The following ABHD2 variants were observed in gnomAD, a reference collection of about 807,000 sequenced individuals.
ABHD2 encodes monoacylglycerol lipase ABHD2.
ABHD2 carries 20 observed loss-of-function variants against 48.1 expected under a neutral mutation model. That is an observed-to-expected ratio of 0.42 (90% CI 0.29 to 0.60). ABHD2 has a LOEUF of 0.60. ABHD2 is among the 20% of genes least tolerant of loss of function. ABHD2 has a pLI of 0.24. For missense variants in ABHD2, 405 were observed against 550.9 expected (o/e 0.74, Z 2.65); for synonymous variants, 209 against 214.2 (o/e 0.98, Z 0.21).
chr15:89,136,746 T>C (rs2050319931), intron 3 of ABHD2, among the ~76,000 whole-genome samples: 1 of 152,204 alleles, frequency 6.6e-6, no homozygotes. Flanking sequence ...GTATTTGAGT[T>C]TTCCTCCACT....
intron 8 of ABHD2, among the ~76,000 whole-genome samples, chr15:89,190,005 T>C (rs2051277615): frequency 6.6e-6 from 1 of 152,268 alleles, no homozygotes; most frequent in South Asian, 2.1e-4. Context: ...GCAAACGAAC[T>C]GATTTCACAA....
chr15:89,059,983 T>C, the ABHD2 span, among the ~76,000 whole-genome samples: 1 of 152,142 alleles, frequency 6.6e-6, no homozygotes, highest in South Asian at 2.1e-4. Flanking sequence ...CAGGCATTTA[T>C]GCAGCCTTTT....
rs1345403557 is a variant in ABHD2 at position 89,137,916 on chromosome 15, C to A, written c.195-13761C>A. ...TGAGATGTGCACACAGGGTCTACTC[C>A]ACATCTGGCCCTCCTGAAAAGAAGG... is the stretch of plus-strand genomic sequence containing the variant. On this transcript the variant is annotated intron_variant, in intron 3 of 10. Coordinates refer to ENST00000352732, the MANE Select transcript of ABHD2 (RefSeq NM_152924.5). This position sits in a 1 kb window ranked among gnomAD's most constrained non-coding sequence, Gnocchi z 4.8. Among the ~76,000 whole-genome samples the A allele has an allele frequency of 1.3e-5, 2 of 152,192 alleles. No homozygotes were observed. The highest frequency in any genetic ancestry group is 2.9e-5 in the Non-Finnish European group (2 of 68,024).
the ABHD2 span, among the ~76,000 whole-genome samples, chr15:89,071,239 G>A: frequency 6.6e-6 from 1 of 152,096 alleles, no homozygotes; most frequent in East Asian, 1.9e-4. Context: ...GGCCAACATG[G>A]TGAAACCCCA....
At chr15:89,048,299 T>A in the ABHD2 span, among the ~76,000 whole-genome samples, 3 of 152,198 alleles carry the variant, frequency 2.0e-5, no homozygotes, top group African/African-American at 7.2e-5. Context: ...CCTTTGAGGG[T>A]AACCCAACCT....
At chr15:89,060,308 C>T in the ABHD2 span, among the ~76,000 whole-genome samples, 8 of 151,678 alleles carry the variant, frequency 5.3e-5, no homozygotes, top group South Asian at 2.1e-4. Context: ...TCAGGCTGCT[C>T]GTGAACTCCT....
rs1164221307 is a variant in ABHD2, at chr15:89,088,467, G to A, written c.-203G>A. 6.5e-6 allele frequency: 1 copy of A among 152,886 alleles called. No individual in the cohort carries two copies. Among genetic ancestry groups the A allele is most frequent in the Non-Finnish European group, 1.5e-5 (1 of 68,590 alleles). 9.5% of individuals were successfully genotyped at this position (152,886 alleles called of 1,614,324 possible). ...TAGCGGCGGGAGCTGCACTGGCCAG[G>A]GGTTCCGGCTGTATATCCATGAGCG... On this transcript the variant is annotated 5_prime_UTR_variant, in exon 1 of 11. Transcript: ENST00000352732. The surrounding 1 kb of genome is among the most constrained non-coding windows in gnomAD (Gnocchi z 6.8).
chr15:89,154,535 G>A (rs182979000), intron 4 of ABHD2, among the ~76,000 whole-genome samples: 39 of 152,284 alleles, frequency 2.6e-4, no homozygotes, highest in African/African-American at 9.1e-4. Flanking sequence ...CCCCTGCTCA[G>A]TGGTACCCAC....
At chr15:89,053,047 A>G in the ABHD2 span, among the ~76,000 whole-genome samples, 5 of 149,490 alleles carry the variant, frequency 3.3e-5, no homozygotes, top group Non-Finnish European at 5.9e-5. Flanking sequence ...GGCTCACTGC[A>G]ACCTCTGCCT....
At chr15:89,061,724 C>T in the ABHD2 span, among the ~76,000 whole-genome samples, 2 of 151,970 alleles carry the variant, frequency 1.3e-5, no homozygotes, top group Non-Finnish European at 2.9e-5. Flanking sequence ...AGGTGTGCAC[C>T]ACCACACCTG....
intron 3 of ABHD2, chr15:89,135,418 G>A (rs1190185298): frequency 2.8e-5 from 16 of 581,312 alleles, no homozygotes; most frequent in African/African-American, 7.7e-5. Flanking sequence ...AAAAAAAAAA[G>A]ACATTGTACA....
intron 10 of ABHD2, among the ~76,000 whole-genome samples, chr15:89,194,710 G>T (rs1481922940): frequency 6.6e-6 from 1 of 152,146 alleles, no homozygotes; most frequent in Non-Finnish European, 1.5e-5. Flanking sequence ...TAAAAATGCA[G>T]AATCTCAGCT....
Position 89,116,586 on chromosome 15 carries a change from A to G in ABHD2, c.194+65A>G, listed in dbSNP as rs577219138. ...TGTATTTGGCTTTGTGTGATGTTCAAAGAAGAAACTTCTCTCATCGTGTCC... is the reference window on the plus strand; with the variant it reads ...TGTATTTGGCTTTGTGTGATGTTCAGAGAAGAAACTTCTCTCATCGTGTCC... On this transcript the variant is annotated intron_variant, in intron 3 of 10. Transcript: ENST00000352732. This position sits in a 1 kb window ranked among gnomAD's most constrained non-coding sequence, Gnocchi z 4.6. 1.3e-5 allele frequency: 19 copies of G among 1,515,462 alleles called. No homozygotes were observed. The Admixed American group carries it at 2.0e-4, about 16-fold the overall frequency. 93.9% of individuals were successfully genotyped at this position (1,515,462 alleles called of 1,614,324 possible).
At chr15:89,127,371 C>G (rs1445628965) in intron 3 of ABHD2, among the ~76,000 whole-genome samples, 1 of 152,020 alleles carries the variant, frequency 6.6e-6, no homozygotes, top group Non-Finnish European at 1.5e-5. Context: ...AGTGGTTGAT[C>G]CAGAACCATC....
chr15:89,090,936 C>T (rs1449217071), intron 1 of ABHD2, among the ~76,000 whole-genome samples: 2 of 152,304 alleles, frequency 1.3e-5, no homozygotes, highest in East Asian at 1.9e-4. Flanking sequence ...GGGGGAGCAC[C>T]AGCAGCGCCT....
chr15:89,074,836 A>G, the ABHD2 span, among the ~76,000 whole-genome samples: 2 of 152,288 alleles, frequency 1.3e-5, no homozygotes, highest in Middle Eastern at 3.4e-3. Context: ...CTTTTAAAAT[A>G]TGCTGAACTC....
chr15:89,126,973 A>G (rs570886497), intron 3 of ABHD2, among the ~76,000 whole-genome samples: 47 of 151,184 alleles, frequency 3.1e-4, no homozygotes, highest in Non-Finnish European at 6.3e-4. Context: ...CTAGAAAGCT[A>G]TAACTAATAC....
chr15:89,110,915 C>T (rs116463544), intron 1 of ABHD2, among the ~76,000 whole-genome samples: 41 of 152,244 alleles, frequency 2.7e-4, no homozygotes, highest in African/African-American at 9.9e-4. Context: ...CATAAAGTCC[C>T]ACATTTTTTT....
chr15:89,123,861 G>T (rs1252762590), intron 3 of ABHD2, among the ~76,000 whole-genome samples: 1 of 152,108 alleles, frequency 6.6e-6, no homozygotes, highest in African/African-American at 2.4e-5. Context: ...TCCAGCCTCA[G>T]CCTCCCAAAG....
Sources: allele counts gnomAD v4.1 joint callset (sites outside exome capture counted in the v4.1 genomes callset), GRCh38; gene constraint gnomAD v4.1.1; non-coding constraint Gnocchi (gnomAD v3.1); transcripts MANE v1.5; gene names NCBI Gene and HGNC (gene_info 2026-07-23, HGNC 2026-07-21).